EBF1: variants seen among roughly 807,000 people sequenced by gnomAD.
The protein encoded by EBF1 is transcription factor COE1.
A neutral mutation model predicts 68.4 loss-of-function variants in EBF1; 10 were observed. The ratio of observed to expected loss-of-function variants is 0.15; its 90% CI spans 0.09 to 0.25. EBF1 has a LOEUF of 0.25. EBF1 is among the 10% of genes least tolerant of loss of function. The pLI, the probability that EBF1 is intolerant of heterozygous loss-of-function variation, is 1.00. For missense variants in EBF1, 509 were observed against 794.4 expected (o/e 0.64, Z 4.32); for synonymous variants, 298 against 299.8 (o/e 0.99, Z 0.06).
chr5:158,699,830 G>A (rs1756347772), intron 15 of EBF1, among the ~76,000 whole-genome samples: 1 of 152,196 alleles, frequency 6.6e-6, no homozygotes, highest in African/African-American at 2.4e-5. Flanking sequence ...CTAGAAAACT[G>A]TAGCCTGGGG....
intron 6 of EBF1, among the ~76,000 whole-genome samples, chr5:158,964,751 G>A (rs536388980): frequency 3.7e-4 from 57 of 152,254 alleles, no homozygotes; most frequent in Middle Eastern, 6.8e-3. Context: ...AGAGGCCCAC[G>A]TATAACCAAG....
At chr5:159,037,578 T>C (rs1770316788) in intron 6 of EBF1, among the ~76,000 whole-genome samples, 1 of 128,522 alleles carries the variant, frequency 7.8e-6, no homozygotes, top group Admixed American at 7.9e-5. Context: ...ACACCGCATA[T>C]TCTCACTCAT....
At chr5:158,931,155 G>A (rs564026599) in intron 6 of EBF1, among the ~76,000 whole-genome samples, 10 of 152,150 alleles carry the variant, frequency 6.6e-5, no homozygotes, top group Non-Finnish European at 8.8e-5. Flanking sequence ...CCACTAAGCT[G>A]CCCATTTCTA....
At chr5:158,703,602 CAAAA>C (rs11301371) in intron 15 of EBF1, among the ~76,000 whole-genome samples, 1 of 126,384 alleles carries the variant, frequency 7.9e-6, no homozygotes, top group Non-Finnish European at 1.7e-5. Context: ...GTTGCTTTTT[CAAAA>C]AAAAAAAAAA....
chr5:158,868,972 C>A (rs150010015), intron 6 of EBF1, among the ~76,000 whole-genome samples: 2 of 152,190 alleles, frequency 1.3e-5, no homozygotes, highest in African/African-American at 4.8e-5. Context: ...AAAGCCGGAC[C>A]AAGAAAGAAA....
chr5:159,087,277 C>T (rs11956924), intron 4 of EBF1, among the ~76,000 whole-genome samples: 49,204 of 136,788 alleles, frequency 0.36, 8,664 homozygotes, highest in East Asian at 0.51. Flanking sequence ...TACACACACA[C>T]ATATATATAT....
intron 6 of EBF1, among the ~76,000 whole-genome samples, chr5:159,027,494 CA>C: frequency 6.6e-6 from 1 of 152,320 alleles, no homozygotes; most frequent in East Asian, 1.9e-4. Context: ...TTCTTTCTCA[CA>C]CTACCACACC....
At chr5:158,903,622 C>A (rs1387524013) in intron 6 of EBF1, among the ~76,000 whole-genome samples, 1 of 152,148 alleles carries the variant, frequency 6.6e-6, no homozygotes, top group African/African-American at 2.4e-5. Context: ...ACGCAGTCTG[C>A]TAATCCAGCC....
chr5:158,911,208 A>G (rs183890111), intron 6 of EBF1, among the ~76,000 whole-genome samples: 229 of 152,292 alleles, frequency 1.5e-3, no homozygotes, highest in African/African-American at 4.6e-3. Flanking sequence ...GCTGAATACT[A>G]AAACTAAATG....
Position 158,806,055 on chromosome 5 carries a change from C to T in EBF1, c.779-9580G>A, listed in dbSNP as rs374510425. Among the ~76,000 whole-genome samples the T allele has an allele frequency of 7.4e-4, 113 of 152,034 alleles. 3 individuals are homozygous for T. In the South Asian group the frequency reaches 0.022, roughly 30 times the overall value. ...AAAAGCAGACATCTGTTTTGTCCTC[C>T]ATGTATATATCCCTAGAAGCAGTGA... On this transcript the variant is annotated intron_variant, in intron 8 of 15. Coordinates refer to ENST00000313708, the MANE Select transcript of EBF1 (RefSeq NM_024007.5).
intron 10 of EBF1, among the ~76,000 whole-genome samples, chr5:158,776,216 A>T (rs568254108): frequency 2.6e-5 from 4 of 152,164 alleles, no homozygotes; most frequent in Non-Finnish European, 5.9e-5. Context: ...GTTAACTAAA[A>T]CTAATCGTCA....
intron 7 of EBF1, among the ~76,000 whole-genome samples, chr5:158,839,280 T>C (rs1175233367): frequency 1.3e-5 from 2 of 152,192 alleles, no homozygotes; most frequent in Admixed American, 6.5e-5. Flanking sequence ...TTTCCAAAAT[T>C]GGAAGAGGTG....
At chr5:159,000,317 T>C (rs974030065) in intron 6 of EBF1, among the ~76,000 whole-genome samples, 1 of 152,198 alleles carries the variant, frequency 6.6e-6, no homozygotes, top group African/African-American at 2.4e-5. Flanking sequence ...TTCGTAGTAT[T>C]CTTTGAGATA....
chr5:158,992,139 G>A (rs1002774988), intron 6 of EBF1, among the ~76,000 whole-genome samples: 3 of 151,276 alleles, frequency 2.0e-5, no homozygotes, highest in South Asian at 4.2e-4. Context: ...GTTGGGGAAC[G>A]TTTAAACCAT....
intron 10 of EBF1, among the ~76,000 whole-genome samples, chr5:158,763,378 T>TA (rs1419753632): frequency 6.6e-6 from 1 of 152,196 alleles, no homozygotes; most frequent in Non-Finnish European, 1.5e-5. Flanking sequence ...GCCCTGCTCT[T>TA]ACAGTGGGCT....
chr5:159,047,281 A>G (rs1278646398), intron 6 of EBF1, among the ~76,000 whole-genome samples: 2 of 152,264 alleles, frequency 1.3e-5, no homozygotes, highest in Non-Finnish European at 2.9e-5. Flanking sequence ...CAGATGAGTA[A>G]GAAAGTTGGC....
rs571022289 is a variant in EBF1, at chr5:158,897,166, C to A, written c.555-57056G>T. ...ACAATAACAAAGACATGGAATCAACCCAAATGCCCATCAGTGATAGACTGG... is the reference window on the plus strand; with the variant it reads ...ACAATAACAAAGACATGGAATCAACACAAATGCCCATCAGTGATAGACTGG... On this transcript the variant is annotated intron_variant, in intron 6 of 15. Transcript: ENST00000313708. 2.6e-5 allele frequency among the ~76,000 whole-genome samples: 4 copies of A among 152,210 alleles called. No individual in the cohort carries two copies. The South Asian group carries it at 8.3e-4, about 32-fold the overall frequency.
At chr5:158,807,988 T>C (rs1781915425) in intron 8 of EBF1, among the ~76,000 whole-genome samples, 1 of 152,180 alleles carries the variant, frequency 6.6e-6, no homozygotes, top group Admixed American at 6.6e-5. Context: ...CAACCGAGGC[T>C]GCCATTGCTA....
At chr5:158,780,030 T>A (rs1489515837) in intron 9 of EBF1, among the ~76,000 whole-genome samples, 2 of 152,200 alleles carry the variant, frequency 1.3e-5, no homozygotes, top group African/African-American at 4.8e-5. Flanking sequence ...GCTGTGAATA[T>A]TAGTCTGGGA....
Sources: gnomAD v4.1 joint callset for allele counts (sites outside exome capture counted in the v4.1 genomes callset) on GRCh38, gnomAD v4.1.1 for gene constraint, MANE v1.5 for transcripts, NCBI Gene and HGNC (gene_info 2026-07-23, HGNC 2026-07-21) for gene names.